Variants in ANKRD30B observed in about 807,000 individuals in gnomAD.
ANKRD30B encodes the protein ankyrin repeat domain-containing protein 30B.
Under a neutral mutation model 202.2 loss-of-function variants are expected in ANKRD30B, and 144 were observed. The ratio of observed to expected loss-of-function variants is 0.71; its 90% CI spans 0.62 to 0.82. The LOEUF is 0.82. ANKRD30B is among the 40% of genes least tolerant of loss of function. ANKRD30B has a pLI of 0.00. For synonymous variants in ANKRD30B, 508 were observed against 561.3 expected (o/e 0.91, Z 1.34); for missense variants, 1,487 against 1,669.1 (o/e 0.89, Z 1.90).
chr18:14,927,099 A>T, the ANKRD30B span, among the ~76,000 whole-genome samples: 13 of 152,114 alleles, frequency 8.5e-5, no homozygotes, highest in Middle Eastern at 3.2e-3. Context: ...TAAAAACTGT[A>T]TGTTATTTAA....
chr18:14,932,361 G>T, the ANKRD30B span, among the ~76,000 whole-genome samples: 1 of 151,768 alleles, frequency 6.6e-6, no homozygotes, highest in Admixed American at 6.6e-5. Flanking sequence ...TTTTGAGACG[G>T]AGTCTCACTC....
chr18:14,783,156 T>C (rs964969612), intron 12 of ANKRD30B, among the ~76,000 whole-genome samples: 4 of 152,128 alleles, frequency 2.6e-5, no homozygotes, highest in Non-Finnish European at 5.9e-5. Context: ...TTATTTGCAA[T>C]AGGTGAGTAT....
chr18:14,900,383 T>C, the ANKRD30B span, among the ~76,000 whole-genome samples: 1 of 152,178 alleles, frequency 6.6e-6, no homozygotes, highest in African/African-American at 2.4e-5. Flanking sequence ...GTGCTTTTTT[T>C]CTACCCATTT....
chr18:14,916,250 T>C, the ANKRD30B span, among the ~76,000 whole-genome samples: 1 of 152,198 alleles, frequency 6.6e-6, no homozygotes, highest in Non-Finnish European at 1.5e-5. Context: ...GGAAGTGTGA[T>C]CTGCCCTGGG....
rs1912805162 is a variant in ANKRD30B, at chr18:14,748,356, AG to A, written c.-60del. ...GAAGGGTAAGCGGGAAGCGAGGGCG[AG>A]GGGTAGGGGCTGGGGAAGGGCGAGC... On this transcript the variant is annotated 5_prime_UTR_variant, in exon 1 of 44. Transcript: ENST00000690538. 19 of 1,289,482 alleles carry A rather than the reference AG, an allele frequency of 1.5e-5. No individual in the cohort carries two copies. In the East Asian group the frequency reaches 4.6e-4, roughly 31 times the overall value. The allele number at this position is 1,289,482 out of a possible 1,614,324, so 79.9% of individuals were successfully genotyped here. A position where few individuals can be genotyped will look rare whatever the true frequency, so the allele number is the denominator to read the frequency against.
chr18:14,748,724 C>A, intron 1 of ANKRD30B, 84 bp downstream of exon 1: 3 of 1,343,106 alleles, frequency 2.2e-6, no homozygotes, highest in Non-Finnish European at 2.0e-6. Context: ...GGCTGGGGGT[C>A]CTGGGGACGA....
chr18:14,828,171 TA>T (rs1483165114), intron 32 of ANKRD30B, 106 bp from the exon 33 acceptor site: 72 of 793,192 alleles, frequency 9.1e-5, no homozygotes, highest in Non-Finnish European at 6.1e-5. Flanking sequence ...CCTTCCCAAG[TA>T]GCTGGGATTA....
intron 16 of ANKRD30B, among the ~76,000 whole-genome samples, chr18:14,795,961 G>A (rs1056823971): frequency 1.3e-5 from 2 of 151,348 alleles, no homozygotes; most frequent in Non-Finnish European, 2.9e-5. Context: ...TTCTAATTTA[G>A]TTATTGTCAG....
chr18:14,936,622 A>G, the ANKRD30B span, among the ~76,000 whole-genome samples: 102 of 152,276 alleles, frequency 6.7e-4, 1 homozygote, highest in South Asian at 2.7e-3. Context: ...AGGGAGACTC[A>G]CAGGCAATTC....
At position 14,766,472 on chromosome 18, in the gene ANKRD30B, C is replaced by CAAA. The variant is rs1168681924; in HGVS notation, c.1225+2405_1225+2407dup. ...TGGGTGACAGAGCGAGACTCCATCTCAAAAAAAAAAAAAAAAAAAAAAAAA... is the reference window on the plus strand; with the variant it reads ...TGGGTGACAGAGCGAGACTCCATCTCAAAAAAAAAAAAAAAAAAAAAAAAAAAA... On this transcript the variant is annotated intron_variant, in intron 7 of 43. Coordinates refer to ENST00000690538, the MANE Select transcript of ANKRD30B (RefSeq NM_001367607.2). Among the ~76,000 whole-genome samples, 381 of 55,508 alleles carry CAAA rather than the reference C, an allele frequency of 6.9e-3. 6 individuals are homozygous for CAAA. Among genetic ancestry groups the CAAA allele is most frequent in the African/African-American group, 8.0e-3 (119 of 14,918 alleles). The allele number at this position is 55,508 out of a possible 152,430, so 36.4% of individuals were successfully genotyped here.
At chr18:14,854,026 A>G (rs1309628372) in intron 43 of ANKRD30B, among the ~76,000 whole-genome samples, 83 bp downstream of exon 43, 1 of 152,238 alleles carries the variant, frequency 6.6e-6, no homozygotes, top group Non-Finnish European at 1.5e-5. Context: ...CAGTGAGTCT[A>G]TAACTGGTTA....
chr18:14,809,107 A>T lies in ANKRD30B; in HGVS notation c.2386+363A>T, dbSNP rs376867184. The stretch of plus-strand genomic sequence containing the variant: ...GTTCCCGTGGTGCCAACAATTCACT[A>T]GATATACCCGCATTTACTATTAAGT... On this transcript the variant is annotated intron_variant, in intron 26 of 43. Coordinates refer to ENST00000690538, the MANE Select transcript of ANKRD30B (RefSeq NM_001367607.2). Among the ~76,000 whole-genome samples the T allele has an allele frequency of 5.0e-5, 7 of 140,560 alleles. 2 individuals carry two copies. The highest frequency in any genetic ancestry group is 1.9e-4 in the African/African-American group (7 of 37,556). 92.2% of individuals were successfully genotyped at this position (140,560 alleles called of 152,430 possible).
chr18:14,831,626 T>C (rs914261992), intron 34 of ANKRD30B, among the ~76,000 whole-genome samples, 171 bp downstream of exon 34: 2 of 152,194 alleles, frequency 1.3e-5, no homozygotes, highest in African/African-American at 4.8e-5. Context: ...AAACAGTTTT[T>C]TTTTTGTTTT....
intron 9 of ANKRD30B, among the ~76,000 whole-genome samples, chr18:14,775,056 G>A (rs1967269719): frequency 6.6e-6 from 1 of 152,204 alleles, no homozygotes; most frequent in African/African-American, 2.4e-5. Flanking sequence ...GAACCTGGGA[G>A]GTGGAGCTTG....
the ANKRD30B span, among the ~76,000 whole-genome samples, chr18:14,872,285 G>A: frequency 6.6e-6 from 1 of 152,024 alleles, no homozygotes; most frequent in African/African-American, 2.4e-5. Flanking sequence ...AAGCCCCAAG[G>A]GTTTCTCCTA....
the ANKRD30B span, among the ~76,000 whole-genome samples, chr18:14,900,585 T>C: frequency 6.6e-6 from 1 of 152,184 alleles, no homozygotes; most frequent in Non-Finnish European, 1.5e-5. Flanking sequence ...TTTTAATCAT[T>C]CCCAACTTTT....
In ANKRD30B at chr18:14,755,023, T is replaced by C. The variant is rs199709164; in HGVS notation, c.617+18T>C. On this transcript the variant is annotated intron_variant, in intron 4 of 43. Transcript: ENST00000690538. ...TCTAAATGGTATGGTAGTTCTTTTT[T>C]TTTACTAAAAAACACTTGACTAGTG... is the stretch of plus-strand genomic sequence containing the variant. 189 of 1,383,514 alleles carry C rather than the reference T, an allele frequency of 1.4e-4. No homozygotes were observed. The highest frequency in any genetic ancestry group is 1.7e-4 in the Non-Finnish European group (181 of 1,051,136). 85.7% of individuals were successfully genotyped at this position (1,383,514 alleles called of 1,614,324 possible).
chr18:14,876,803 A>G, the ANKRD30B span, among the ~76,000 whole-genome samples: 4 of 152,230 alleles, frequency 2.6e-5, no homozygotes, highest in Non-Finnish European at 5.9e-5. Context: ...ATTTAAAGGC[A>G]TGGGGATACC....
rs878863030 is a variant in ANKRD30B at position 14,790,168 on chromosome 18, C to T, written c.1735-1233C>T. On this transcript the variant is annotated intron_variant, in intron 15 of 43. Transcript: ENST00000690538. ...TTTGAAGCAATTGTGAATGGGAGTTCACTCATGATTTGGCTCTCTGTTTGT... is the reference window on the plus strand; with the variant it reads ...TTTGAAGCAATTGTGAATGGGAGTTTACTCATGATTTGGCTCTCTGTTTGT... Among the ~76,000 whole-genome samples, 5 of 152,092 alleles carry T rather than the reference C, an allele frequency of 3.3e-5. No homozygotes were observed. In the South Asian group the frequency reaches 1.0e-3, roughly 32 times the overall value.
Sources: gnomAD v4.1 joint callset for allele counts (sites outside exome capture counted in the v4.1 genomes callset) on GRCh38, gnomAD v4.1.1 for gene constraint, MANE v1.5 for transcripts, NCBI Gene and HGNC (gene_info 2026-07-23, HGNC 2026-07-21) for gene names.